Variants in CCDC178 observed in about 807,000 individuals in gnomAD.
CCDC178 encodes the protein coiled-coil domain-containing protein 178.
CCDC178 carries 126 observed loss-of-function variants against 117.4 expected under a neutral mutation model. That is an observed-to-expected ratio of 1.07 (90% confidence interval 0.93 to 1.24). CCDC178 has a LOEUF of 1.24. Among genes scored for constraint, CCDC178 ranks in the 50% most tolerant of loss-of-function variants. The pLI is 0.00. For missense variants in CCDC178, 1,030 were observed against 986.9 expected (o/e 1.04, Z -0.59); for synonymous variants, 283 against 313.4 (o/e 0.90, Z 1.02).
chr18:33,167,831 C>T (rs936289370), intron 20 of CCDC178, among the ~76,000 whole-genome samples: 17 of 151,980 alleles, frequency 1.1e-4, no homozygotes, highest in Non-Finnish European at 1.8e-4. Flanking sequence ...TGCACCACTG[C>T]ACTCCAGCCT....
intron 20 of CCDC178, among the ~76,000 whole-genome samples, chr18:33,149,614 G>A (rs919631735): frequency 2.6e-5 from 4 of 152,064 alleles, no homozygotes; most frequent in African/African-American, 4.8e-5. Context: ...GAAAGTAGAG[G>A]AATAAGTGAA....
intron 7 of CCDC178, among the ~76,000 whole-genome samples, chr18:33,352,573 TA>T (rs2144700639): frequency 6.6e-6 from 1 of 152,254 alleles, no homozygotes; most frequent in South Asian, 2.1e-4. Context: ...CTCTGTGGAC[TA>T]CTTTTGCTGC....
chr18:33,390,267 CATTT>C (rs2144823970), intron 4 of CCDC178, among the ~76,000 whole-genome samples: 1 of 151,806 alleles, frequency 6.6e-6, no homozygotes. Context: ...AATATATTAT[CATTT>C]ATTTGACATT....
intron 5 of CCDC178, among the ~76,000 whole-genome samples, chr18:33,388,676 C>T (rs976215918): frequency 2.0e-5 from 3 of 149,982 alleles, no homozygotes; most frequent in Non-Finnish European, 4.4e-5. Context: ...CCCGCCACTA[C>T]GCCCGGCTAA....
chr18:32,978,227 T>TG (rs1555693065), intron 21 of CCDC178, among the ~76,000 whole-genome samples: 10 of 144,300 alleles, frequency 6.9e-5, no homozygotes, highest in Non-Finnish European at 1.3e-4. Context: ...TTTTTTTTTT[T>TG]GCGGGGAAAT....
chr18:33,022,348 C>T (rs2056139459), intron 21 of CCDC178, among the ~76,000 whole-genome samples: 1 of 152,184 alleles, frequency 6.6e-6, no homozygotes, highest in African/African-American at 2.4e-5. Context: ...AGACTTAACA[C>T]ACTTTTTCCC....
chr18:33,299,358 A>G (rs1342670064), intron 11 of CCDC178, among the ~76,000 whole-genome samples: 2 of 152,152 alleles, frequency 1.3e-5, no homozygotes, highest in Admixed American at 1.3e-4. Context: ...GGGAAATGAC[A>G]GTCTCTTCAA....
intron 9 of CCDC178, among the ~76,000 whole-genome samples, chr18:33,334,082 A>G (rs1279972712): frequency 2.0e-5 from 3 of 152,190 alleles, no homozygotes; most frequent in African/African-American, 7.2e-5. Flanking sequence ...GAAAAAGGCA[A>G]AAGTGATTAT....
chr18:33,285,204 G>T (rs1421869664), intron 12 of CCDC178, among the ~76,000 whole-genome samples: 1 of 151,994 alleles, frequency 6.6e-6, no homozygotes, highest in African/African-American at 2.4e-5. Flanking sequence ...TCCGCGTCAT[G>T]CTATGGTAAT....
chr18:33,431,116 A>G (rs1005586154), intron 2 of CCDC178, among the ~76,000 whole-genome samples: 5 of 151,106 alleles, frequency 3.3e-5, no homozygotes, highest in Non-Finnish European at 1.5e-5. Flanking sequence ...AATAATGGAA[A>G]TGGCTCAGGT....
chr18:33,097,506 C>T (rs951374827), intron 20 of CCDC178, among the ~76,000 whole-genome samples: 3 of 152,112 alleles, frequency 2.0e-5, no homozygotes, highest in African/African-American at 7.2e-5. Flanking sequence ...ATTTGTTATA[C>T]AACCAAAGCA....
intron 3 of CCDC178, among the ~76,000 whole-genome samples, chr18:33,409,795 T>C (rs2063826470): frequency 6.6e-6 from 1 of 152,160 alleles, no homozygotes; most frequent in Non-Finnish European, 1.5e-5. Context: ...AAATTTTAAC[T>C]GATAATCCCC....
At chr18:33,089,396 G>T (rs979594574) in intron 21 of CCDC178, among the ~76,000 whole-genome samples, 1 of 152,030 alleles carries the variant, frequency 6.6e-6, no homozygotes, top group Non-Finnish European at 1.5e-5. Context: ...CTTACATTGG[G>T]AGAGATGATA....
In CCDC178 at chr18:33,314,746, C is replaced by T. The variant is rs977523215; in HGVS notation, c.1022+8745G>A. ...GGGGAGACCACAAGATCATTTACAA[C>T]CTAAATATACGAGCCCATATCTGGT... On this transcript the variant is annotated intron_variant, in intron 11 of 22. Coordinates refer to ENST00000383096, the MANE Select transcript of CCDC178 (RefSeq NM_001105528.4). Among the ~76,000 whole-genome samples, 9 of 152,290 alleles carry T rather than the reference C, an allele frequency of 5.9e-5. No individual in the cohort carries two copies. The South Asian group carries it at 1.2e-3, about 21-fold the overall frequency.
chr18:33,242,886 T>C (rs943743671), intron 15 of CCDC178, among the ~76,000 whole-genome samples: 2 of 151,906 alleles, frequency 1.3e-5, no homozygotes, highest in African/African-American at 4.8e-5. Flanking sequence ...TGTATCATCC[T>C]GCAATCCCAC....
rs1438069708 is a variant in CCDC178 at position 33,266,544 on chromosome 18, TTTTC to T, written c.1409+368_1409+371del. Among the ~76,000 whole-genome samples, 4 of 151,636 alleles carry T rather than the reference TTTTC, an allele frequency of 2.6e-5. No homozygotes were observed. In the East Asian group the frequency reaches 5.8e-4, roughly 22 times the overall value. ...TTACAATTATTTTGACTTTTCTTTT[TTTTC>T]TTTATTTTATTATTATTATACTTTA... On this transcript the variant is annotated intron_variant, in intron 14 of 22. Coordinates refer to ENST00000383096, the MANE Select transcript of CCDC178 (RefSeq NM_001105528.4).
intron 4 of CCDC178, among the ~76,000 whole-genome samples, 156 bp downstream of exon 4, chr18:33,396,993 T>C (rs1250542337): frequency 2.0e-5 from 3 of 152,196 alleles, no homozygotes. Flanking sequence ...ATAAGTATTT[T>C]TTTAAAGAAG....
chr18:33,214,449 C>T (rs2059142488), intron 19 of CCDC178, among the ~76,000 whole-genome samples: 1 of 151,846 alleles, frequency 6.6e-6, no homozygotes, highest in Non-Finnish European at 1.5e-5. Context: ...GTCTGAAAGG[C>T]CATATAATCC....
chr18:33,122,116 T>TG (rs1378314908), intron 20 of CCDC178, among the ~76,000 whole-genome samples: 11 of 152,174 alleles, frequency 7.2e-5, no homozygotes, highest in African/African-American at 2.7e-4. Context: ...ATCCCTGTTA[T>TG]TAAGTGAACT....
Sources: gnomAD v4.1 joint callset for allele counts (sites outside exome capture counted in the v4.1 genomes callset) on GRCh38, gnomAD v4.1.1 for gene constraint, MANE v1.5 for transcripts, NCBI Gene and HGNC (gene_info 2026-07-23, HGNC 2026-07-21) for gene names.